Variants in CNTN5 observed in about 807,000 individuals in gnomAD.
CNTN5 encodes the protein contactin 5.
CNTN5 carries 77 observed loss-of-function variants against 129.1 expected under a neutral mutation model. The ratio of observed to expected loss-of-function variants is 0.60; its 90% confidence interval spans 0.50 to 0.72. The LOEUF (loss-of-function observed/expected upper bound fraction) is 0.72. Among genes scored for constraint, CNTN5 ranks in the 30% least tolerant of loss-of-function variants. The pLI is 0.00. For missense variants in CNTN5, 1,478 were observed against 1,328.8 expected (o/e 1.11, Z -1.75); for synonymous variants, 509 against 465.6 (o/e 1.09, Z -1.20).
chr11:99,867,921 C>T (rs956317193), intron 6 of CNTN5, among the ~76,000 whole-genome samples: 4 of 151,996 alleles, frequency 2.6e-5, no homozygotes, highest in Admixed American at 2.0e-4. Context: ...AAGAAGTGTT[C>T]TACATAAAAC....
intron 3 of CNTN5, among the ~76,000 whole-genome samples, chr11:99,686,238 T>C (rs1318890702): frequency 1.3e-5 from 2 of 152,124 alleles, no homozygotes; most frequent in Non-Finnish European, 2.9e-5. Context: ...CTCTATTCCT[T>C]CCTGCGTCTC....
chr11:99,364,870 G>A (rs535326822), intron 2 of CNTN5, among the ~76,000 whole-genome samples: 2 of 152,172 alleles, frequency 1.3e-5, no homozygotes, highest in East Asian at 3.9e-4. Flanking sequence ...ATCCACAGGT[G>A]CTGTTGAGGG....
At position 99,325,480 on chromosome 11, in the gene CNTN5, A is replaced by C. The variant is rs530674491; in HGVS notation, c.-75A>C. 6.6e-6 allele frequency: 1 copy of C among 152,304 alleles called. No homozygotes were observed. Among genetic ancestry groups the C allele is most frequent in the South Asian group, 2.1e-4 (1 of 4,832 alleles). 9.4% of individuals were successfully genotyped at this position (152,304 alleles called of 1,614,324 possible). ...CATACTTTGGACCCTGTTTTCAGAA[A>C]GCAGGTATGGTTCATCTTTATTAAA... On this transcript the variant is annotated 5_prime_UTR_variant, in exon 2 of 25. Transcript: ENST00000524871.
At chr11:99,779,474 T>C (rs527849132) in intron 3 of CNTN5, among the ~76,000 whole-genome samples, 13 of 152,152 alleles carry the variant, frequency 8.5e-5, no homozygotes, top group African/African-American at 2.9e-4. Flanking sequence ...GAATATGTGA[T>C]ACAAAATCTT....
chr11:99,251,667 C>G (rs1350506323), intron 1 of CNTN5, among the ~76,000 whole-genome samples: 1 of 151,934 alleles, frequency 6.6e-6, no homozygotes, highest in Non-Finnish European at 1.5e-5. Flanking sequence ...CAGAGAGAAT[C>G]AATGCCTTCT....
At chr11:100,351,540 G>A (rs2139040323) in intron 24 of CNTN5, among the ~76,000 whole-genome samples, 1 of 150,422 alleles carries the variant, frequency 6.6e-6, no homozygotes, top group African/African-American at 2.4e-5. Flanking sequence ...GCGTATGATT[G>A]TCTCCAAAAC....
At chr11:99,463,755 CTT>C (rs1380115180) in intron 2 of CNTN5, among the ~76,000 whole-genome samples, 11 of 116,542 alleles carry the variant, frequency 9.4e-5, no homozygotes, top group African/African-American at 2.0e-4. Context: ...AAAATGCAAA[CTT>C]ATTTCTGATA....
chr11:100,209,507 C>A (rs1481746398), intron 15 of CNTN5, among the ~76,000 whole-genome samples: 1 of 152,150 alleles, frequency 6.6e-6, no homozygotes, highest in African/African-American at 2.4e-5. Context: ...ATTCTAATCA[C>A]TTTACTTGTT....
rs1339098286 is a variant in CNTN5 at position 99,990,406 on chromosome 11, TTTTTAGA to T, written c.878-11627_878-11621del. 4.2e-3 allele frequency among the ~76,000 whole-genome samples: 628 copies of T among 150,942 alleles called. 4 individuals carry two copies. The highest frequency in any genetic ancestry group is 0.014 in the African/African-American group (580 of 40,830). On this transcript the variant is annotated intron_variant, in intron 8 of 24. Transcript: ENST00000524871. Reference sequence around the variant, plus strand: ...ATTGGCTATTTTCCAAAAAAAAATATTTTTAGAATAAATTTATTGGCTTCCCTTATTT... The same window carrying T: ...ATTGGCTATTTTCCAAAAAAAAATATATAAATTTATTGGCTTCCCTTATTT...
chr11:99,912,523 TTAAA>T (rs1192909361), intron 6 of CNTN5, among the ~76,000 whole-genome samples: 1 of 152,040 alleles, frequency 6.6e-6, no homozygotes, highest in Non-Finnish European at 1.5e-5. Flanking sequence ...TAAATATTTG[TTAAA>T]TAAATTCATA....
chr11:100,002,370 C>G (rs1451026827), intron 9 of CNTN5, among the ~76,000 whole-genome samples: 1 of 152,052 alleles, frequency 6.6e-6, no homozygotes, highest in African/African-American at 2.4e-5. Context: ...AAAAAAACTT[C>G]TTTAATGAAT....
rs999309640 is a variant in CNTN5, at chr11:99,064,471, T to A, written c.-210+43201T>A. 3.3e-5 allele frequency among the ~76,000 whole-genome samples: 5 copies of A among 152,242 alleles called. No homozygotes were observed. The East Asian group carries it at 9.6e-4, about 29-fold the overall frequency. On this transcript the variant is annotated intron_variant, in intron 1 of 24. Coordinates refer to ENST00000524871, the MANE Select transcript of CNTN5 (RefSeq NM_014361.4). ...ATTATGAAGAAGAGCAGAGGTTTTATCAGAGAACAGTCAAAAGGCATCTGT... is the reference window on the plus strand; with the variant it reads ...ATTATGAAGAAGAGCAGAGGTTTTAACAGAGAACAGTCAAAAGGCATCTGT...
At chr11:100,290,595 C>T (rs1401186459) in intron 18 of CNTN5, among the ~76,000 whole-genome samples, 7 of 139,864 alleles carry the variant, frequency 5.0e-5, no homozygotes, top group Non-Finnish European at 7.7e-5. Context: ...ACACCTTATA[C>T]AAAAATCAAT....
chr11:99,768,090 A>G (rs536890621), intron 3 of CNTN5, among the ~76,000 whole-genome samples: 14 of 152,256 alleles, frequency 9.2e-5, no homozygotes, highest in Non-Finnish European at 2.1e-4. Flanking sequence ...GTTGTGACAG[A>G]GACCATATGG....
chr11:100,013,265 C>T (rs1048686905), intron 9 of CNTN5, among the ~76,000 whole-genome samples: 1 of 152,080 alleles, frequency 6.6e-6, no homozygotes, highest in African/African-American at 2.4e-5. Context: ...AATGATTACA[C>T]TAAAAGCCCA....
intron 16 of CNTN5, among the ~76,000 whole-genome samples, chr11:100,243,608 G>A (rs1949784451): frequency 6.6e-6 from 1 of 152,144 alleles, no homozygotes; most frequent in African/African-American, 2.4e-5. Context: ...TGACTTCCAT[G>A]ATACCTCTCA....
chr11:100,280,461 G>A lies in CNTN5; in HGVS notation c.2314+9220G>A, dbSNP rs1950612268. Among the ~76,000 whole-genome samples the A allele has an allele frequency of 2.6e-5, 4 of 151,810 alleles. No homozygotes were observed. In the South Asian group the frequency reaches 8.3e-4, roughly 31 times the overall value. On this transcript the variant is annotated intron_variant, in intron 18 of 24. Coordinates refer to ENST00000524871, the MANE Select transcript of CNTN5 (RefSeq NM_014361.4). ...TTCTTTATGTCTTCTTATAGTTTTTGTCTTAAAATTTATTTTTTTCTCATA... is the reference window on the plus strand; with the variant it reads ...TTCTTTATGTCTTCTTATAGTTTTTATCTTAAAATTTATTTTTTTCTCATA...
At chr11:100,010,750 C>T (rs1286746597) in intron 9 of CNTN5, among the ~76,000 whole-genome samples, 2 of 152,138 alleles carry the variant, frequency 1.3e-5, no homozygotes, top group South Asian at 2.1e-4. Flanking sequence ...ATCAACTGCA[C>T]CCCTTACTAT....
chr11:100,159,398 C>T (rs1271702661), intron 13 of CNTN5, among the ~76,000 whole-genome samples: 3 of 151,622 alleles, frequency 2.0e-5, no homozygotes, highest in African/African-American at 4.8e-5. Context: ...TACCATACAC[C>T]AAAACTGCTC....
Sources: gnomAD v4.1 joint callset for allele counts (sites outside exome capture counted in the v4.1 genomes callset) on GRCh38, gnomAD v4.1.1 for gene constraint, MANE v1.5 for transcripts, NCBI Gene and HGNC (gene_info 2026-07-23, HGNC 2026-07-21) for gene names.